GRIK2: variants seen among roughly 807,000 people sequenced by gnomAD.
GRIK2 encodes glutamate receptor ionotropic, kainate 2.
In GRIK2, 32 loss-of-function variants were observed where a neutral mutation model predicts 100.3. The ratio of observed to expected loss-of-function variants is 0.32; its 90% confidence interval spans 0.24 to 0.43. The LOEUF is 0.43. Among genes scored for constraint, GRIK2 ranks in the 20% least tolerant of loss-of-function variants. The pLI is 1.00. For missense variants in GRIK2, 843 were observed against 1,114.9 expected, an observed-to-expected ratio of 0.76 and a Z score of 3.47; for synonymous variants, 417 against 389.4, an observed-to-expected ratio of 1.07 and a Z score of -0.83.
intron 1 of GRIK2, chr6:101,398,778 A>G (rs2128235153): frequency 2.7e-6 from 1 of 374,216 alleles, no homozygotes; most frequent in Non-Finnish European, 4.7e-6. Flanking sequence ...ACTGGCCGGG[A>G]GCCTTAAGAG....
chr6:102,066,151 T>A (rs1222247607), intron 16 of GRIK2, among the ~76,000 whole-genome samples: 2 of 151,536 alleles, frequency 1.3e-5, no homozygotes, highest in African/African-American at 4.8e-5. Context: ...TAATTTAATG[T>A]TATTAAACAA....
intron 2 of GRIK2, among the ~76,000 whole-genome samples, chr6:101,494,971 T>TATATA (rs1773349547): frequency 5.6e-5 from 6 of 107,982 alleles, no homozygotes; most frequent in Non-Finnish European, 9.4e-5. Context: ...ATATATGCAT[T>TATATA]TATATATATA....
intron 16 of GRIK2, among the ~76,000 whole-genome samples, chr6:102,058,436 C>A (rs1771574666): frequency 7.1e-6 from 1 of 140,556 alleles, no homozygotes; most frequent in Non-Finnish European, 1.6e-5. Context: ...AGAAAAGTAT[C>A]ATAAAGAAAC....
intron 14 of GRIK2, among the ~76,000 whole-genome samples, chr6:101,970,012 A>T (rs979417426): frequency 2.0e-5 from 3 of 151,926 alleles, no homozygotes; most frequent in African/African-American, 7.2e-5. Flanking sequence ...TTTTGTCAGC[A>T]CTTTGTAAAG....
intron 2 of GRIK2, among the ~76,000 whole-genome samples, chr6:101,512,014 A>G (rs556943083): frequency 6.6e-6 from 1 of 151,564 alleles, no homozygotes; most frequent in South Asian, 2.1e-4. Flanking sequence ...TTCTTCTAAA[A>G]GCTTTATCAC....
intron 2 of GRIK2, among the ~76,000 whole-genome samples, chr6:101,427,451 T>C (rs1769099881): frequency 6.6e-6 from 1 of 152,238 alleles, no homozygotes; most frequent in Admixed American, 6.5e-5. Flanking sequence ...CCTAAGTAGC[T>C]GGAAAATGTG....
rs941622730 is a variant in GRIK2, at chr6:101,754,013, A to T, written c.952-45635A>T. Among the ~76,000 whole-genome samples, 13 of 152,194 alleles carry T rather than the reference A, an allele frequency of 8.5e-5. No individual in the cohort carries two copies. The South Asian group carries it at 2.7e-3, about 32-fold the overall frequency. ...TAGATTTAGCTATGGGATGAAGTATAAAGATAAATTACTTTTTTTAATAAA... is the reference window on the plus strand; with the variant it reads ...TAGATTTAGCTATGGGATGAAGTATTAAGATAAATTACTTTTTTTAATAAA... On this transcript the variant is annotated intron_variant, in intron 7 of 16. Transcript: ENST00000369134.
At chr6:101,751,296 T>C (rs1358241333) in intron 7 of GRIK2, among the ~76,000 whole-genome samples, 1 of 152,074 alleles carries the variant, frequency 6.6e-6, no homozygotes, top group Non-Finnish European at 1.5e-5. Flanking sequence ...ATTTTAAATA[T>C]GTACAAAAGT....
At chr6:101,654,753 G>T (rs182668960) in intron 4 of GRIK2, among the ~76,000 whole-genome samples, 1 of 152,004 alleles carries the variant, frequency 6.6e-6, no homozygotes, top group Non-Finnish European at 1.5e-5. Flanking sequence ...CTGGGTTATT[G>T]TTCCACTTTA....
intron 7 of GRIK2, 68 bp downstream of exon 7, chr6:101,686,421 G>T: frequency 1.8e-6 from 2 of 1,126,862 alleles, no homozygotes; most frequent in Non-Finnish European, 2.6e-6. Flanking sequence ...TGAACTTCTG[G>T]GTTTATATGC....
rs534682141 is a variant in GRIK2, at chr6:101,960,237, C to T, written c.2085+31605C>T. On this transcript the variant is annotated intron_variant, in intron 14 of 16. Coordinates refer to ENST00000369134, the MANE Select transcript of GRIK2 (RefSeq NM_021956.5). ...TCTGTAATAATTTTTAATTAACATC[C>T]TGATTTTTCTTCTGATTTCTTTGGT... Among the ~76,000 whole-genome samples the T allele has an allele frequency of 5.7e-3, 867 of 151,036 alleles. 9 individuals are homozygous for T. Among genetic ancestry groups the T allele is most frequent in the African/African-American group, 0.02 (826 of 41,072 alleles).
intron 14 of GRIK2, among the ~76,000 whole-genome samples, chr6:101,995,423 A>G (rs1794599097): frequency 6.6e-6 from 1 of 151,918 alleles, no homozygotes; most frequent in Non-Finnish European, 1.5e-5. Flanking sequence ...TTTTTTTTGA[A>G]GGCAATGTAT....
intron 2 of GRIK2, among the ~76,000 whole-genome samples, chr6:101,443,183 T>C (rs1391809813): frequency 1.3e-5 from 2 of 152,080 alleles, no homozygotes; most frequent in African/African-American, 4.8e-5. Context: ...AGGCACATAG[T>C]TACTTAAGGA....
At chr6:101,794,288 C>G (rs189961789) in intron 7 of GRIK2, among the ~76,000 whole-genome samples, 2 of 152,246 alleles carry the variant, frequency 1.3e-5, no homozygotes, top group Non-Finnish European at 2.9e-5. Flanking sequence ...GCAGAAATCA[C>G]CCCTCTTCTG....
chr6:101,864,572 A>T (rs184336784), intron 11 of GRIK2, among the ~76,000 whole-genome samples: 65 of 152,332 alleles, frequency 4.3e-4, no homozygotes, highest in South Asian at 3.1e-3. Flanking sequence ...CTAAGTTGGG[A>T]CATGAATGCA....
intron 14 of GRIK2, among the ~76,000 whole-genome samples, chr6:101,997,097 A>G (rs750921307): frequency 6.6e-6 from 1 of 152,046 alleles, no homozygotes; most frequent in Non-Finnish European, 1.5e-5. Flanking sequence ...TTTCTCTGTA[A>G]AAAGTAGAAT....
At chr6:101,610,049 T>C (rs1048979979) in intron 2 of GRIK2, among the ~76,000 whole-genome samples, 1 of 151,654 alleles carries the variant, frequency 6.6e-6, no homozygotes, top group Non-Finnish European at 1.5e-5. Context: ...CCAGAAAATA[T>C]AGAAGTAAAC....
chr6:101,623,935 TTATC>T (rs1780305384), intron 3 of GRIK2, among the ~76,000 whole-genome samples: 2 of 152,078 alleles, frequency 1.3e-5, no homozygotes, highest in African/African-American at 4.8e-5. Flanking sequence ...TTTTTTAACT[TTATC>T]AAGAAATGTA....
chr6:101,430,767 T>G (rs993443468), intron 2 of GRIK2: 1 of 234,234 alleles, frequency 4.3e-6, no homozygotes, highest in African/African-American at 2.3e-5. Context: ...AATCAGCAAC[T>G]AGCTCCTTTC....
Sources: allele counts gnomAD v4.1 joint callset (sites outside exome capture counted in the v4.1 genomes callset), GRCh38; gene constraint gnomAD v4.1.1; transcripts MANE v1.5; gene names NCBI Gene and HGNC (gene_info 2026-07-23, HGNC 2026-07-21).